GDPD4: variants seen among roughly 807,000 people sequenced by gnomAD.
The protein encoded by GDPD4 is glycerophosphodiester phosphodiesterase 6.
Under a neutral mutation model 67.8 loss-of-function variants are expected in GDPD4, and 60 were observed. The ratio of observed to expected loss-of-function variants is 0.88; its 90% CI spans 0.72 to 1.10. The LOEUF (loss-of-function observed/expected upper bound fraction) is 1.10. Ranked by LOEUF, GDPD4 falls within the 50% of genes least tolerant of loss-of-function variation. The pLI, the probability that GDPD4 is intolerant of heterozygous loss-of-function variation, is 0.00. For missense variants in GDPD4, 623 were observed against 613.9 expected (o/e 1.01, Z -0.16); for synonymous variants, 212 against 210.9 (o/e 1.00, Z -0.04).
intron 4 of GDPD4, 27 bp downstream of exon 4, chr11:77,279,279 G>C (rs1645312151): frequency 5.5e-6 from 8 of 1,444,528 alleles, no homozygotes; most frequent in Non-Finnish European, 7.8e-6. Context: ...CAGGAAGGGA[G>C]TGGAAGAAAT....
intron 9 of GDPD4, 150 bp from the exon 10 acceptor site, chr11:77,268,689 GCTGATTCTGGGACT>G (rs1959190757): frequency 1.3e-6 from 1 of 753,912 alleles, no homozygotes; most frequent in Admixed American, 2.4e-5. Context: ...CTCCGTCCAA[GCTGATTCTGGGACT>G]CTGCTCATCT....
In GDPD4 at chr11:77,283,897, C is replaced by T. The variant is rs971021656; in HGVS notation, c.53+1188G>A. ...TTGAGTCAGGGTCTGGCTCTGTCAC[C>T]CAGGCTGGAATGCAGTGGCACGATC... On this transcript the variant is annotated intron_variant, in intron 3 of 16. Coordinates refer to ENST00000315938, the MANE Select transcript of GDPD4 (RefSeq NM_182833.3). 4.1e-5 allele frequency among the ~76,000 whole-genome samples: 6 copies of T among 148,014 alleles called. No individual in the cohort carries two copies. The South Asian group carries it at 1.3e-3, about 32-fold the overall frequency.
chr11:77,223,704 TGA>T (rs1406592660), intron 16 of GDPD4, among the ~76,000 whole-genome samples: 1 of 152,102 alleles, frequency 6.6e-6, no homozygotes, highest in Non-Finnish European at 1.5e-5. Context: ...AACACTGTGC[TGA>T]GAGAACCACT....
intron 13 of GDPD4, among the ~76,000 whole-genome samples, chr11:77,242,689 T>TG (rs1958692565): frequency 1.3e-5 from 2 of 151,794 alleles, no homozygotes; most frequent in South Asian, 4.1e-4. Context: ...ATTTTCTATT[T>TG]GAAAAAAAAA....
Position 77,264,927 on chromosome 11 carries a change from T to C in GDPD4, c.707+3530A>G, listed in dbSNP as rs61901767. On this transcript the variant is annotated intron_variant, in intron 10 of 16. Coordinates refer to ENST00000315938, the MANE Select transcript of GDPD4 (RefSeq NM_182833.3). ...CTTTTGTAAAGGAAATTTATATTTA[T>C]AAAGGAAATTTTCATTAGTAAAAGT... Among the ~76,000 whole-genome samples, 834 of 152,238 alleles carry C rather than the reference T, an allele frequency of 5.5e-3. 10 individuals carry two copies. The highest frequency in any genetic ancestry group is 7.3e-3 in the Non-Finnish European group (498 of 67,972).
chr11:77,271,522 A>G (rs1959226678), intron 5 of GDPD4, 129 bp from the exon 6 acceptor site: 3 of 626,876 alleles, frequency 4.8e-6, no homozygotes, highest in Non-Finnish European at 8.5e-6. Flanking sequence ...TTACCATAAT[A>G]ATGTAGAGAA....
chr11:77,268,172 T>C (rs1431520147), intron 10 of GDPD4, among the ~76,000 whole-genome samples: 4 of 151,966 alleles, frequency 2.6e-5, no homozygotes, highest in Admixed American at 1.3e-4. Flanking sequence ...AGGTAGTACA[T>C]AGAGTGAAGT....
chr11:77,297,429 G>A (rs1408192352), intron 1 of GDPD4, among the ~76,000 whole-genome samples: 3 of 151,642 alleles, frequency 2.0e-5, no homozygotes, highest in Admixed American at 6.6e-5. Flanking sequence ...CCAGCTAGTC[G>A]GGAGGCTGAG....
At chr11:77,271,688 C>T (rs1959230490) in intron 5 of GDPD4, among the ~76,000 whole-genome samples, 1 of 152,198 alleles carries the variant, frequency 6.6e-6, no homozygotes, top group African/African-American at 2.4e-5. Context: ...GGGTCCTCAA[C>T]ATTGCTTGGT....
chr11:77,220,105 G>C (rs1958198464), intron 16 of GDPD4, among the ~76,000 whole-genome samples: 1 of 152,188 alleles, frequency 6.6e-6, no homozygotes, highest in Admixed American at 6.5e-5. Flanking sequence ...AGGAGACTTT[G>C]GGCTGAGACG....
In GDPD4 at chr11:77,216,618, A is replaced by G; in HGVS notation, c.*659T>C. ...ACTCCTTTAGCAGAAAATATTATGGAGGTGTTAGGATGAGATAAACCTGAC... is the reference window on the plus strand; with the variant it reads ...ACTCCTTTAGCAGAAAATATTATGGGGGTGTTAGGATGAGATAAACCTGAC... On this transcript the variant is annotated 3_prime_UTR_variant, in exon 17 of 17. Transcript: ENST00000315938. The G allele has an allele frequency of 2.7e-6, 1 of 370,484 alleles. No homozygotes were observed. 22.9% of individuals were successfully genotyped at this position (370,484 alleles called of 1,614,324 possible).
In GDPD4 at chr11:77,291,398, T is replaced by C. The variant is rs114614138; in HGVS notation, c.-253-3978A>G. Among the ~76,000 whole-genome samples, 503 of 152,090 alleles carry C rather than the reference T, an allele frequency of 3.3e-3. 5 individuals carry two copies. The highest frequency in any genetic ancestry group is 0.011 in the African/African-American group (466 of 41,488). On this transcript the variant is annotated intron_variant, in intron 1 of 16. Coordinates refer to ENST00000315938, the MANE Select transcript of GDPD4 (RefSeq NM_182833.3). Reference sequence around the variant, plus strand: ...GGGGTTGCAGGGGGATGAAGAAAGGTAGGTTAATAAGTACAAACATACAGT... The same window carrying C: ...GGGGTTGCAGGGGGATGAAGAAAGGCAGGTTAATAAGTACAAACATACAGT...
chr11:77,216,989 G>A lies in GDPD4; in HGVS notation c.*288C>T. The A allele has an allele frequency of 1.4e-6, 1 of 703,086 alleles. No homozygotes were observed. Among genetic ancestry groups the A allele is most frequent in the East Asian group, 2.7e-5 (1 of 37,284 alleles). 43.6% of individuals were successfully genotyped at this position (703,086 alleles called of 1,614,324 possible). ...CATGGTTGGCTTATCCACCTTCAGG[G>A]TGGGCAATGTAGTTTGAAAGGTAGC... On this transcript the variant is annotated 3_prime_UTR_variant, in exon 17 of 17. Transcript: ENST00000315938.
chr11:77,280,742 AAAG>A (rs748862667), intron 3 of GDPD4, among the ~76,000 whole-genome samples: 24 of 152,316 alleles, frequency 1.6e-4, no homozygotes, highest in Non-Finnish European at 2.8e-4. Context: ...ATTACAGGCA[AAAG>A]AAGAACTGTG....
intron 16 of GDPD4, among the ~76,000 whole-genome samples, chr11:77,218,800 T>G (rs1038536374): frequency 6.6e-6 from 1 of 151,334 alleles, no homozygotes; most frequent in Non-Finnish European, 1.5e-5. Flanking sequence ...TGATGGACAT[T>G]TGGGTTGGTT....
Position 77,227,866 on chromosome 11 carries a change from G to A in GDPD4, c.1523C>T (p.Thr508Ile), listed in dbSNP as rs779369052. The A allele has an allele frequency of 1.2e-6, 2 of 1,611,580 alleles. No homozygotes were observed. The highest frequency in any genetic ancestry group is 8.5e-7 in the Non-Finnish European group (1 of 1,177,906). ...EKLFETSSTR[T>I]DTQSGSKNEE... ...GTGGGCTAGGCCTCTGACTTTACCT[G>A]TGCGAGTGCTGGAGGTTTCAAACAA... is the stretch of plus-strand genomic sequence containing the variant. The change falls in exon 16 of 17, where the codon ACA becomes ATA. Residue 508 changes from threonine to isoleucine, a missense_variant and splice_region_variant. By Grantham distance (89) the Thr-to-Ile change is moderately conservative. Coordinates refer to ENST00000315938, the MANE Select transcript of GDPD4 (RefSeq NM_182833.3).
At chr11:77,241,822 T>C (rs1270151160) in intron 13 of GDPD4, among the ~76,000 whole-genome samples, 1 of 151,734 alleles carries the variant, frequency 6.6e-6, no homozygotes, top group Non-Finnish European at 1.5e-5. Flanking sequence ...CGTGCACCTG[T>C]AGTCTCAGCC....
intron 11 of GDPD4, among the ~76,000 whole-genome samples, chr11:77,251,800 C>T (rs995761049): frequency 2.6e-5 from 4 of 151,986 alleles, no homozygotes; most frequent in African/African-American, 4.8e-5. Flanking sequence ...TATGGCTTTC[C>T]AACTCTTTCC....
At chr11:77,247,866 A>C (rs1231892221) in intron 11 of GDPD4, among the ~76,000 whole-genome samples, 1 of 152,064 alleles carries the variant, frequency 6.6e-6, no homozygotes, top group African/African-American at 2.4e-5. Flanking sequence ...AGCCTGACCA[A>C]CATGGAGAAA....
Sources: allele counts gnomAD v4.1 joint callset (sites outside exome capture counted in the v4.1 genomes callset), GRCh38; gene constraint gnomAD v4.1.1; transcripts MANE v1.5; gene names NCBI Gene and HGNC (gene_info 2026-07-23, HGNC 2026-07-21).